Variants in TGS1 observed in about 807,000 individuals in gnomAD.
The protein encoded by TGS1 is trimethylguanosine synthase.
TGS1 carries 69 observed loss-of-function variants against 92.2 expected under a neutral mutation model. The observed-to-expected ratio is 0.75, with a 90% confidence interval of 0.62 to 0.91. TGS1 has a LOEUF of 0.91. Among genes scored for constraint, TGS1 ranks in the 40% least tolerant of loss-of-function variants. TGS1 has a pLI of 0.00. For synonymous variants in TGS1, 345 were observed against 338.1 expected (o/e 1.02, Z -0.22); for missense variants, 1,062 against 1,001.2 (o/e 1.06, Z -0.82).
In TGS1 at chr8:55,810,941, A is replaced by G; in HGVS notation, c.2204A>G (p.Tyr735Cys). Residue 735 changes from tyrosine to cysteine, a missense_variant, in exon 11 of 13, where the codon TAT (tyrosine) becomes TGT (cysteine). Coordinates refer to ENST00000260129, the MANE Select transcript of TGS1 (RefSeq NM_024831.8). ...CTTGCTCGCAATAATGCAGAAGTTTATGGGATAGCAGATAAGATAGAGTTC... is the reference window on the plus strand; with the variant it reads ...CTTGCTCGCAATAATGCAGAAGTTTGTGGGATAGCAGATAAGATAGAGTTC... ...IALARNNAEV[Y>C]GIADKIEFIC... 2 of 1,614,142 alleles carry G rather than the reference A, an allele frequency of 1.2e-6. No individual in the cohort carries two copies. The highest frequency in any genetic ancestry group is 1.6e-4 in the Middle Eastern group (1 of 6,062).
chr8:55,778,848 A>G (rs553563349), intron 1 of TGS1, among the ~76,000 whole-genome samples: 3 of 152,238 alleles, frequency 2.0e-5, no homozygotes, highest in Non-Finnish European at 4.4e-5. Context: ...TCTTATATTC[A>G]GCATTTATTT....
At chr8:55,778,766 T>C (rs1811472272) in intron 1 of TGS1, among the ~76,000 whole-genome samples, 1 of 152,202 alleles carries the variant, frequency 6.6e-6, no homozygotes, top group Admixed American at 6.5e-5. Flanking sequence ...TTTTACTACT[T>C]GAAAATGAAG....
intron 10 of TGS1, among the ~76,000 whole-genome samples, chr8:55,806,855 C>T (rs1812386432): frequency 1.3e-5 from 2 of 152,118 alleles, no homozygotes; most frequent in African/African-American, 4.8e-5. Context: ...GAACAGTGGA[C>T]AGGGACTTTG....
intron 12 of TGS1, among the ~76,000 whole-genome samples, chr8:55,815,477 TTTG>T (rs1351641184): frequency 8.5e-5 from 13 of 152,222 alleles, no homozygotes; most frequent in African/African-American, 2.7e-4. Flanking sequence ...TTAACTTTTT[TTTG>T]TTAAGGAACT....
At chr8:55,807,336 C>A (rs1232645352) in intron 10 of TGS1, among the ~76,000 whole-genome samples, 3 of 152,094 alleles carry the variant, frequency 2.0e-5, no homozygotes, top group Non-Finnish European at 4.4e-5. Flanking sequence ...ACCTCATCGT[C>A]ATATAATATT....
rs1323103130 is a variant in TGS1, at chr8:55,824,606, G to A, written c.2465G>A (p.Gly822Glu). 19 of 1,614,174 alleles carry A rather than the reference G, an allele frequency of 1.2e-5. No homozygotes were observed. The highest frequency in any genetic ancestry group is 8.9e-5 in the East Asian group (4 of 44,884). ...GTGGCATCCTTAGCTGGGCCTGGAG[G>A]GCAAGTGGAAATAGAACAGAACTTC... ...DQVASLAGPG[G>E]QVEIEQNFLN... Residue 822 changes from glycine to glutamate, a missense_variant, in exon 13 of 13, where the codon GGG (glycine) becomes GAG (glutamate). Coordinates refer to ENST00000260129, the MANE Select transcript of TGS1 (RefSeq NM_024831.8).
intron 8 of TGS1, among the ~76,000 whole-genome samples, chr8:55,800,367 A>G (rs961638690): frequency 1.3e-5 from 2 of 152,178 alleles, no homozygotes; most frequent in African/African-American, 4.8e-5. Flanking sequence ...AGGTGGAATT[A>G]TTTTCCATTC....
chr8:55,815,309 G>A lies in TGS1; in HGVS notation c.2439+2191G>A, dbSNP rs185175794. ...TAATGAAACCAAGAAAGACTGATGA[G>A]ATTTCAAGTGTATTAATTTTTTTTG... On this transcript the variant is annotated intron_variant, in intron 12 of 12. Coordinates refer to ENST00000260129, the MANE Select transcript of TGS1 (RefSeq NM_024831.8). Among the ~76,000 whole-genome samples the A allele has an allele frequency of 1.4e-3, 209 of 152,254 alleles. 2 individuals carry two copies. Among genetic ancestry groups the A allele is most frequent in the East Asian group, 3.7e-3 (19 of 5,180 alleles).
rs1182027559 is a variant in TGS1, at chr8:55,826,228, G to GT, written c.*1531dup. Among the ~76,000 whole-genome samples the GT allele has an allele frequency of 6.6e-6, 1 of 151,970 alleles. No individual in the cohort carries two copies. The highest frequency in any genetic ancestry group is 1.5e-5 in the Non-Finnish European group (1 of 68,002). On this transcript the variant is annotated 3_prime_UTR_variant, in exon 13 of 13. Coordinates refer to ENST00000260129, the MANE Select transcript of TGS1 (RefSeq NM_024831.8). ...TTTCCAAAATCACTAATTTTTTTTA[G>GT]TTTTTTGTCACTTAACCTTTCTTGC...
At chr8:55,818,652 G>A (rs1402895760) in intron 12 of TGS1, among the ~76,000 whole-genome samples, 1 of 152,196 alleles carries the variant, frequency 6.6e-6, no homozygotes, top group East Asian at 1.9e-4. Context: ...GGAACTGATT[G>A]GCCTCATAGT....
intron 3 of TGS1, 132 bp from the exon 4 acceptor site, chr8:55,786,106 T>C: frequency 2.8e-6 from 2 of 705,424 alleles, no homozygotes; most frequent in South Asian, 4.4e-5. Context: ...ATATCACTTG[T>C]TTGTGGAGCT....
chr8:55,809,037 T>C (rs1467088430), intron 10 of TGS1, among the ~76,000 whole-genome samples: 2 of 152,274 alleles, frequency 1.3e-5, no homozygotes, highest in Admixed American at 6.5e-5. Flanking sequence ...TTGAGTTCCC[T>C]ATCATAATGT....
chr8:55,780,983 T>C (rs1484794099), intron 1 of TGS1, among the ~76,000 whole-genome samples: 1 of 152,210 alleles, frequency 6.6e-6, no homozygotes, highest in Non-Finnish European at 1.5e-5. Flanking sequence ...GTTTATCTTT[T>C]ACAGTTCATG....
chr8:55,792,019 G>A (rs1811901240), intron 5 of TGS1, among the ~76,000 whole-genome samples: 1 of 152,168 alleles, frequency 6.6e-6, no homozygotes, highest in Non-Finnish European at 1.5e-5. Context: ...TGCCTCTACT[G>A]TGCTACCTCT....
At chr8:55,801,178 G>A (rs2130185546) in intron 8 of TGS1, among the ~76,000 whole-genome samples, 1 of 152,330 alleles carries the variant, frequency 6.6e-6, no homozygotes, top group African/African-American at 2.4e-5. Context: ...TTGGCTAACA[G>A]AAGTAATAAC....
chr8:55,820,474 G>A (rs775476733), intron 12 of TGS1, among the ~76,000 whole-genome samples: 2 of 152,062 alleles, frequency 1.3e-5, no homozygotes, highest in Non-Finnish European at 1.5e-5. Context: ...GGAGGCAGAG[G>A]TTGCAGTGAG....
intron 1 of TGS1, among the ~76,000 whole-genome samples, chr8:55,778,388 C>G (rs1035545907): frequency 6.6e-6 from 1 of 152,172 alleles, no homozygotes. Flanking sequence ...TTCATTGAAT[C>G]TCCCTCATTA....
At chr8:55,773,784 A>C in intron 1 of TGS1, 65 bp downstream of exon 1, 1 of 1,336,186 alleles carries the variant, frequency 7.5e-7, no homozygotes. Context: ...TAGGTATTGC[A>C]AACGTGGTTG....
intron 10 of TGS1, among the ~76,000 whole-genome samples, chr8:55,806,988 C>G (rs1018564489): frequency 6.6e-6 from 1 of 150,838 alleles, no homozygotes; most frequent in African/African-American, 2.4e-5. Flanking sequence ...AGTGCAGTGG[C>G]GCGGATCTCG....
Sources: allele counts gnomAD v4.1 joint callset (sites outside exome capture counted in the v4.1 genomes callset), GRCh38; gene constraint gnomAD v4.1.1; transcripts MANE v1.5; gene names NCBI Gene and HGNC (gene_info 2026-07-23, HGNC 2026-07-21).